ARHGAP24: variants seen among roughly 807,000 people sequenced by gnomAD.
ARHGAP24 encodes Rho GTPase activating protein 24, also known as rho GTPase-activating protein 24.
In ARHGAP24, 50 loss-of-function variants were observed where a neutral mutation model predicts 76.4. The observed-to-expected ratio is 0.65, with a 90% confidence interval of 0.52 to 0.83. The LOEUF is 0.83. ARHGAP24 is among the 40% of genes least tolerant of loss of function. ARHGAP24 has a pLI of 0.00. For missense variants in ARHGAP24, 930 were observed against 914.2 expected (o/e 1.02, Z -0.22); for synonymous variants, 345 against 323.3 (o/e 1.07, Z -0.72).
chr4:85,852,079 G>T (rs186657906), intron 3 of ARHGAP24, among the ~76,000 whole-genome samples: 60 of 152,248 alleles, frequency 3.9e-4, no homozygotes, highest in African/African-American at 1.4e-3. Context: ...GTCACTTTCA[G>T]GTACACCAAT....
At chr4:85,486,984 AGTGACT>A (rs1723082854) in intron 1 of ARHGAP24, among the ~76,000 whole-genome samples, 1 of 151,660 alleles carries the variant, frequency 6.6e-6, no homozygotes, top group Admixed American at 6.6e-5. Context: ...CTTCAGCAGG[AGTGACT>A]CATCCAGGGC....
At chr4:85,498,586 A>G (rs903733458) in intron 1 of ARHGAP24, among the ~76,000 whole-genome samples, 1 of 151,316 alleles carries the variant, frequency 6.6e-6, no homozygotes, top group African/African-American at 2.4e-5. Context: ...GCCACAAGGA[A>G]GTGAGGAGAC....
At chr4:85,680,694 T>TA (rs966587558) in intron 2 of ARHGAP24, among the ~76,000 whole-genome samples, 9 of 151,752 alleles carry the variant, frequency 5.9e-5, no homozygotes, top group Non-Finnish European at 1.2e-4. Flanking sequence ...AGAAATTAAA[T>TA]AAAAAATGAA....
intron 2 of ARHGAP24, among the ~76,000 whole-genome samples, chr4:85,681,431 C>G (rs1723200530): frequency 6.6e-6 from 1 of 152,186 alleles, no homozygotes; most frequent in Non-Finnish European, 1.5e-5. Context: ...GATGTAAGTT[C>G]AAGAAAGCCT....
chr4:85,585,787 T>C (rs1560542274), intron 2 of ARHGAP24, among the ~76,000 whole-genome samples: 1 of 152,196 alleles, frequency 6.6e-6, no homozygotes, highest in Non-Finnish European at 1.5e-5. Context: ...GTATTAAAAG[T>C]CCAGTCTGGA....
At chr4:85,797,473 G>A (rs1157699002) in intron 3 of ARHGAP24, among the ~76,000 whole-genome samples, 2 of 152,126 alleles carry the variant, frequency 1.3e-5, no homozygotes, top group South Asian at 2.1e-4. Context: ...GCGCCCGGCC[G>A]GCAAAGGAAA....
intron 1 of ARHGAP24, among the ~76,000 whole-genome samples, chr4:85,531,960 A>G (rs1905033): frequency 0.11 from 17,196 of 152,002 alleles, 2,805 homozygotes; most frequent in African/African-American, 0.36. Flanking sequence ...GACTTACAGC[A>G]CTCCTCAGGG....
chr4:85,512,918 G>A (rs1724338187), intron 1 of ARHGAP24, among the ~76,000 whole-genome samples: 1 of 152,220 alleles, frequency 6.6e-6, no homozygotes, highest in Admixed American at 6.5e-5. Context: ...CACCCCAGAG[G>A]ACAGAGAACA....
chr4:85,979,399 T>C (rs1472686683), intron 8 of ARHGAP24, among the ~76,000 whole-genome samples: 1 of 152,158 alleles, frequency 6.6e-6, no homozygotes, highest in Non-Finnish European at 1.5e-5. Flanking sequence ...TACTTTCACA[T>C]AGTCTTGCAG....
intron 3 of ARHGAP24, among the ~76,000 whole-genome samples, chr4:85,814,439 G>C (rs1181701019): frequency 3.3e-5 from 5 of 152,152 alleles, no homozygotes; most frequent in African/African-American, 9.7e-5. Flanking sequence ...CAGTAATTGG[G>C]TAACTACAAC....
intron 8 of ARHGAP24, among the ~76,000 whole-genome samples, chr4:85,987,682 T>C (rs1162356607): frequency 6.6e-6 from 1 of 151,960 alleles, no homozygotes; most frequent in African/African-American, 2.4e-5. Context: ...TTACACTCGA[T>C]GAGATTAATA....
chr4:85,930,602 G>C (rs1736275584), intron 4 of ARHGAP24: 1 of 1,053,106 alleles, frequency 9.5e-7, no homozygotes, highest in Non-Finnish European at 1.1e-6. Context: ...AATTCCTGCT[G>C]TTTGAATGGG....
intron 2 of ARHGAP24, among the ~76,000 whole-genome samples, chr4:85,585,262 G>C (rs932390276): frequency 2.0e-5 from 3 of 152,180 alleles, no homozygotes; most frequent in Non-Finnish European, 4.4e-5. Context: ...TTTGACACAA[G>C]ACAAAAGTGA....
At chr4:85,863,017 T>G (rs1218156111) in intron 3 of ARHGAP24, among the ~76,000 whole-genome samples, 1 of 152,052 alleles carries the variant, frequency 6.6e-6, no homozygotes, top group African/African-American at 2.4e-5. Flanking sequence ...TCAGATCCGG[T>G]TCCTCCCCTG....
chr4:85,725,085 A>C (rs928647559), intron 3 of ARHGAP24, among the ~76,000 whole-genome samples: 1 of 152,226 alleles, frequency 6.6e-6, no homozygotes, highest in Non-Finnish European at 1.5e-5. Flanking sequence ...TTAAAAAAAT[A>C]AAGAGTAGTT....
intron 3 of ARHGAP24, chr4:85,827,621 C>A: frequency 4.6e-6 from 1 of 216,748 alleles, no homozygotes; most frequent in Non-Finnish European, 9.4e-6. Context: ...CTCTGATTTA[C>A]GGAGTTCAGA....
At chr4:85,834,105 A>C (rs1419581613) in intron 3 of ARHGAP24, among the ~76,000 whole-genome samples, 1 of 152,208 alleles carries the variant, frequency 6.6e-6, no homozygotes, top group African/African-American at 2.4e-5. Context: ...ATATTTTAGC[A>C]AATAGGACTA....
intron 3 of ARHGAP24, among the ~76,000 whole-genome samples, chr4:85,879,719 A>C (rs1276174605): frequency 1.3e-5 from 2 of 152,002 alleles, no homozygotes; most frequent in African/African-American, 2.4e-5. Flanking sequence ...ATTTAATTAA[A>C]TTATATGTAT....
In ARHGAP24 at chr4:85,977,700, A is replaced by G; in HGVS notation, c.928+9A>G. ...TTTGACTATCATGGAGGGTAAGTAA[A>G]TGATTATCTTATACCCTTATCAAAA... On this transcript the variant is annotated intron_variant, in intron 8 of 9. Transcript: ENST00000395184. 6.2e-7 allele frequency: 1 copy of G among 1,613,278 alleles called. No individual in the cohort carries two copies. Among genetic ancestry groups the G allele is most frequent in the Non-Finnish European group, 8.5e-7 (1 of 1,179,390 alleles).
Sources: gnomAD v4.1 joint callset for allele counts (sites outside exome capture counted in the v4.1 genomes callset) on GRCh38, gnomAD v4.1.1 for gene constraint, MANE v1.5 for transcripts, NCBI Gene and HGNC (gene_info 2026-07-23, HGNC 2026-07-21) for gene names.